PDE3B: variants seen among roughly 807,000 people sequenced by gnomAD.
The protein encoded by PDE3B is cGMP-inhibited 3',5'-cyclic phosphodiesterase 3B.
PDE3B carries 66 observed loss-of-function variants against 116.8 expected under a neutral mutation model. That is an observed-to-expected ratio of 0.56 (90% CI 0.46 to 0.69). The LOEUF is 0.69. PDE3B is among the 30% of genes least tolerant of loss of function. The probability of loss-of-function intolerance (pLI) is 0.00; values close to 1 mark genes in which losing one functional copy is unlikely to be tolerated. For missense variants in PDE3B, 1,384 were observed against 1,368.1 expected, an observed-to-expected ratio of 1.01 and a Z score of -0.18; for synonymous variants, 595 against 533.6, an observed-to-expected ratio of 1.12 and a Z score of -1.59.
intron 1 of PDE3B, among the ~76,000 whole-genome samples, chr11:14,699,821 G>A (rs1855314041): frequency 6.6e-6 from 1 of 151,762 alleles, no homozygotes; most frequent in South Asian, 2.1e-4. Context: ...AAAGAATAAT[G>A]TTAGAGAAAA....
intron 1 of PDE3B, chr11:14,699,020 A>C (rs1354308839): frequency 6.6e-6 from 1 of 151,846 alleles, no homozygotes; most frequent in Non-Finnish European, 1.5e-5. Context: ...TAAGAAGGGC[A>C]CTCTTGATGA....
chr11:14,674,277 G>T lies in PDE3B; in HGVS notation c.978+29224G>T. 6 of 1,118,744 alleles carry T rather than the reference G, an allele frequency of 5.4e-6. No homozygotes were observed. The South Asian group carries it at 7.4e-5, about 14-fold the overall frequency. 69.3% of individuals were successfully genotyped at this position (1,118,744 alleles called of 1,614,324 possible). ...GGAGACCAGATGTCTTCTTTCCTGG[G>T]GCAGCCCCTATCGTCTTCCCCTCTG... On this transcript the variant is annotated intron_variant, in intron 1 of 15. Coordinates refer to ENST00000282096, the MANE Select transcript of PDE3B (RefSeq NM_000922.4).
chr11:14,646,640 A>G (rs1252412159), intron 1 of PDE3B, among the ~76,000 whole-genome samples: 1 of 152,104 alleles, frequency 6.6e-6, no homozygotes, highest in Non-Finnish European at 1.5e-5. Context: ...TTTGTGGGCA[A>G]TTTTCCTGAA....
intron 5 of PDE3B, among the ~76,000 whole-genome samples, chr11:14,815,205 A>G (rs947951918): frequency 7.2e-5 from 11 of 152,228 alleles, no homozygotes; most frequent in Non-Finnish European, 1.2e-4. Context: ...ATTCAGCTGT[A>G]TAAAGAACTT....
At chr11:14,828,904 T>C (rs1017711077) in intron 7 of PDE3B, among the ~76,000 whole-genome samples, 1 of 152,150 alleles carries the variant, frequency 6.6e-6, no homozygotes, top group African/African-American at 2.4e-5. Context: ...AGACATAGAA[T>C]CAACCTAAAT....
At chr11:14,811,945 C>G (rs950095983) in intron 5 of PDE3B, among the ~76,000 whole-genome samples, 212 of 151,984 alleles carry the variant, frequency 1.4e-3, no homozygotes, top group African/African-American at 4.9e-3. Context: ...CTGTGTTTGT[C>G]TGTTATTGGT....
At position 14,644,739 on chromosome 11, in the gene PDE3B, G is replaced by A. The variant is rs769279145; in HGVS notation, c.664G>A (p.Val222Met). The A allele has an allele frequency of 1.3e-6, 2 of 1,577,226 alleles. No homozygotes were observed. The highest frequency in any genetic ancestry group is 2.3e-5 in the South Asian group (2 of 87,622). ...GCTGCGGCTCCGGCACTGCGTTCTG[G>A]TGCTGCTCCTGGCCAGCTTCGTCTG... ...HPLRLRHCVLVLLLASFVWWV... is the reference protein window; with the variant it reads ...HPLRLRHCVLMLLLASFVWWV... The change falls in exon 1 of 16, where the codon GTG (valine) becomes ATG (methionine). Residue 222 changes from valine (V) to methionine (M), a missense_variant. Coordinates refer to ENST00000282096, the MANE Select transcript of PDE3B (RefSeq NM_000922.4).
chr11:14,839,510 T>TGGTTA (rs2133970006), intron 11 of PDE3B, among the ~76,000 whole-genome samples: 1 of 152,358 alleles, frequency 6.6e-6, no homozygotes, highest in East Asian at 1.9e-4. Context: ...TGTAATCAGG[T>TGGTTA]GGTTACTCTA....
intron 4 of PDE3B, among the ~76,000 whole-genome samples, chr11:14,802,077 G>A (rs980060144): frequency 6.6e-6 from 1 of 152,226 alleles, no homozygotes; most frequent in Non-Finnish European, 1.5e-5. Flanking sequence ...CTCTGTGGCG[G>A]TGAGATCTGC....
At chr11:14,809,016 A>G (rs1859038281) in intron 5 of PDE3B, among the ~76,000 whole-genome samples, 1 of 152,216 alleles carries the variant, frequency 6.6e-6, no homozygotes, top group Non-Finnish European at 1.5e-5. Flanking sequence ...AAATTCGTAT[A>G]GAAACGCAAG....
At chr11:14,813,774 C>G (rs960102442) in intron 5 of PDE3B, among the ~76,000 whole-genome samples, 2 of 152,052 alleles carry the variant, frequency 1.3e-5, no homozygotes, top group African/African-American at 4.8e-5. Context: ...TTTTATGAGG[C>G]CAGCATAACC....
chr11:14,700,671 A>G (rs1380411887), intron 1 of PDE3B: 1 of 151,746 alleles, frequency 6.6e-6, no homozygotes, highest in Non-Finnish European at 1.5e-5. Flanking sequence ...CTGATGTTCA[A>G]GTGGCAGTAG....
chr11:14,779,723 T>A (rs1857915147), intron 2 of PDE3B, among the ~76,000 whole-genome samples: 1 of 152,074 alleles, frequency 6.6e-6, no homozygotes, highest in African/African-American at 2.4e-5. Context: ...CATGCCAAAT[T>A]GTAAAGACCA....
chr11:14,869,189 A>G (rs1848101028), intron 15 of PDE3B, among the ~76,000 whole-genome samples: 1 of 151,922 alleles, frequency 6.6e-6, no homozygotes, highest in South Asian at 2.1e-4. Context: ...CCTCTTCTCT[A>G]TTTTGTTTTT....
chr11:14,880,892 C>T, the PDE3B span: 324 of 884,790 alleles, frequency 3.7e-4, no homozygotes, highest in African/African-American at 4.8e-3. Context: ...TATATAACTA[C>T]ATGGTTGGGT....
Position 14,870,993 on chromosome 11 carries a change from C to T in PDE3B, c.*1333C>T, listed in dbSNP as rs1481112483. 6.6e-6 allele frequency: 1 copy of T among 151,974 alleles called. No individual in the cohort carries two copies. The highest frequency in any genetic ancestry group is 2.4e-5 in the African/African-American group (1 of 41,368). The allele number at this position is 151,974 out of a possible 1,614,324, so 9.4% of individuals were successfully genotyped here. On this transcript the variant is annotated 3_prime_UTR_variant, in exon 16 of 16. Coordinates refer to ENST00000282096, the MANE Select transcript of PDE3B (RefSeq NM_000922.4). This position sits in a 1 kb window ranked among gnomAD's most constrained non-coding sequence, Gnocchi z 4.1. Reference sequence around the variant, plus strand: ...TACATTTGAAGATATAAAGAGCAGCCAAAATGATGGCAAAATGGTAGGCTA... The same window carrying T: ...TACATTTGAAGATATAAAGAGCAGCTAAAATGATGGCAAAATGGTAGGCTA...
intron 9 of PDE3B, among the ~76,000 whole-genome samples, chr11:14,832,203 C>G (rs1217844281): frequency 1.3e-5 from 2 of 152,150 alleles, no homozygotes; most frequent in Non-Finnish European, 1.5e-5. Flanking sequence ...CACCCAGACT[C>G]AGGGTTATAC....
chr11:14,854,332 TTAG>T (rs1555005796), intron 12 of PDE3B, among the ~76,000 whole-genome samples: 3 of 152,154 alleles, frequency 2.0e-5, no homozygotes, highest in Non-Finnish European at 4.4e-5. Flanking sequence ...GGAGTGGGTA[TTAG>T]TAGTCTAAAG....
At chr11:14,727,941 C>A (rs1197302359) in intron 1 of PDE3B, among the ~76,000 whole-genome samples, 2 of 151,934 alleles carry the variant, frequency 1.3e-5, no homozygotes, top group Non-Finnish European at 2.9e-5. Context: ...TATGACATTC[C>A]ATTTTGACAG....
Sources: allele counts gnomAD v4.1 joint callset (sites outside exome capture counted in the v4.1 genomes callset), GRCh38; gene constraint gnomAD v4.1.1; non-coding constraint Gnocchi (gnomAD v3.1); transcripts MANE v1.5; gene names NCBI Gene and HGNC (gene_info 2026-07-23, HGNC 2026-07-21).